Variants in TCERG1 observed in about 807,000 individuals in gnomAD.
TCERG1 encodes TATA box binding protein (TBP)-associated factor, RNA polymerase II, S, 150kD.
In TCERG1, 37 loss-of-function variants were observed where a neutral mutation model predicts 144.7. That is an observed-to-expected ratio of 0.26 (90% confidence interval 0.20 to 0.34). TCERG1 has a LOEUF of 0.34. TCERG1 is among the 10% of genes least tolerant of loss of function. TCERG1 has a pLI of 1.00. For missense variants in TCERG1, 1,027 were observed against 1,380.7 expected, an observed-to-expected ratio of 0.74 and a Z score of 4.06; for synonymous variants, 492 against 458.2, an observed-to-expected ratio of 1.07 and a Z score of -0.94.
rs549529950 is a variant in TCERG1 at position 146,455,226 on chromosome 5, C to T, written c.230C>T (p.Pro77Leu). The T allele has an allele frequency of 4.3e-6, 7 of 1,614,210 alleles. No individual in the cohort carries two copies. Among genetic ancestry groups the T allele is most frequent in the South Asian group, 3.3e-5 (3 of 91,086 alleles). ...FGRPPFDPNMPPMPPPGGIPP... is the reference protein window; with the variant it reads ...FGRPPFDPNMLPMPPPGGIPP... ...CGTCCTCCTTTTGATCCTAATATGCCGCCAATGCCTCCTCCAGGAGGGATA... is the reference window on the plus strand; with the variant it reads ...CGTCCTCCTTTTGATCCTAATATGCTGCCAATGCCTCCTCCAGGAGGGATA... The change falls in exon 2 of 23, where the codon CCG becomes CTG. Residue 77 changes from proline (P) to leucine (L), a missense_variant. Coordinates refer to ENST00000679501, the MANE Select transcript of TCERG1 (RefSeq NM_001382548.1).
chr5:146,510,304 C>T (rs977236219), intron 22 of TCERG1, 137 bp from the exon 23 acceptor site: 31 of 760,556 alleles, frequency 4.1e-5, no homozygotes, highest in African/African-American at 1.3e-4. Context: ...TGACCACTGC[C>T]GTGAAATTTT....
At chr5:146,455,424 T>C in intron 2 of TCERG1, 143 bp downstream of exon 2, 1 of 955,458 alleles carries the variant, frequency 1.0e-6, no homozygotes, top group East Asian at 2.6e-5. Flanking sequence ...TATTAATATG[T>C]TTCTTCTGAA....
chr5:146,454,115 C>A (rs932999100), intron 1 of TCERG1, among the ~76,000 whole-genome samples: 1 of 150,656 alleles, frequency 6.6e-6, no homozygotes, highest in African/African-American at 2.4e-5. Context: ...GGAGAAGAAT[C>A]GCCTGAACCC....
Position 146,507,315 on chromosome 5 carries a change from C to A in TCERG1, c.2961+108C>A. The A allele has an allele frequency of 1.0e-6, 1 of 1,004,492 alleles. No individual in the cohort carries two copies. Among genetic ancestry groups the A allele is most frequent in the Non-Finnish European group, 1.4e-6 (1 of 705,266 alleles). The allele number at this position is 1,004,492 out of a possible 1,614,324, so 62.2% of individuals were successfully genotyped here. The stretch of plus-strand genomic sequence containing the variant: ...AGTGTCATGGTCTTTAGATTCATTA[C>A]TGGAATGCATCTTATGACAATTCTC... On this transcript the variant is annotated intron_variant, in intron 20 of 22. Coordinates refer to ENST00000679501, the MANE Select transcript of TCERG1 (RefSeq NM_001382548.1). This position sits in a 1 kb window ranked among gnomAD's most constrained non-coding sequence, Gnocchi z 4.6.
At chr5:146,492,023 C>CCATGG (rs1268502752) in intron 15 of TCERG1, among the ~76,000 whole-genome samples, 1 of 152,112 alleles carries the variant, frequency 6.6e-6, no homozygotes, top group Non-Finnish European at 1.5e-5. Context: ...CCATAGTTTG[C>CCATGG]CAATTATTTG....
intron 4 of TCERG1, chr5:146,461,919 A>G (rs1763362542): frequency 6.6e-6 from 1 of 152,584 alleles, no homozygotes; most frequent in African/African-American, 2.4e-5. Flanking sequence ...TAGATTACAA[A>G]TGCTAAATGG....
In TCERG1 at chr5:146,463,675, G is replaced by T. The variant is rs138963520; in HGVS notation, c.1017G>T (p.Thr339=). Reference sequence around the variant, plus strand: ...CCGTTCCCCAGCCGCACCCTCAGACGTTACCTCCTGCTGTTCCTCATTCAG... The same window carrying T: ...CCGTTCCCCAGCCGCACCCTCAGACTTTACCTCCTGCTGTTCCTCATTCAG... ...VQTVPQPHPQ[T]LPPAVPHSVP... The change falls in exon 5 of 23, where the codon ACG becomes ACT. Residue 339 remains threonine (T), a synonymous_variant. Transcript: ENST00000679501. 1.9e-6 allele frequency: 3 copies of T among 1,614,108 alleles called. No individual in the cohort carries two copies. The highest frequency in any genetic ancestry group is 2.2e-5 in the East Asian group (1 of 44,874).
chr5:146,504,123 A>G, intron 19 of TCERG1, 117 bp downstream of exon 19: 1 of 1,096,178 alleles, frequency 9.1e-7, no homozygotes, highest in Non-Finnish European at 1.2e-6. Flanking sequence ...TTGCTAAATT[A>G]GAAAGCATTT....
At chr5:146,490,997 A>G (rs759752012) in intron 15 of TCERG1, among the ~76,000 whole-genome samples, 2 of 151,496 alleles carry the variant, frequency 1.3e-5, no homozygotes, top group Non-Finnish European at 2.9e-5. Flanking sequence ...GTTTAGGAAC[A>G]TTTTTTTCTT....
At chr5:146,447,680 G>A (rs1377842508) in intron 1 of TCERG1, among the ~76,000 whole-genome samples, 1 of 152,222 alleles carries the variant, frequency 6.6e-6, no homozygotes, top group Non-Finnish European at 1.5e-5. Flanking sequence ...CCCTCTGGCC[G>A]GGCGCGGTGC....
In TCERG1 at chr5:146,509,145, A is replaced by T. The variant is rs1404009143; in HGVS notation, c.3046A>T (p.Lys1016Ter). 6.4e-7 allele frequency: 1 copy of T among 1,554,858 alleles called. No individual in the cohort carries two copies. The highest frequency in any genetic ancestry group is 1.4e-5 in the African/African-American group (1 of 71,976). ...TCAACTTTTTTTTTTTTATTAACAG[A>T]AAAAACAAAGAGAATTTGAAGAATA... ...RCIKFSSSDRKKQREFEEYIR... is the reference protein window; with the variant it reads ...RCIKFSSSDR Residue 1016 changes from lysine to a stop codon, truncating the protein, a stop_gained and splice_region_variant, in exon 22 of 23, where the codon AAA (lysine) becomes TAA (stop). Transcript: ENST00000679501. LOFTEE classifies it high-confidence loss of function.
chr5:146,464,885 A>G (rs1763640158), intron 5 of TCERG1, among the ~76,000 whole-genome samples: 1 of 152,108 alleles, frequency 6.6e-6, no homozygotes. Flanking sequence ...TTTCTTTGTG[A>G]CCACTCTGAA....
At chr5:146,458,841 C>A in intron 3 of TCERG1, 43 bp from the exon 4 acceptor site, 1 of 1,557,240 alleles carries the variant, frequency 6.4e-7, no homozygotes, top group South Asian at 1.2e-5. Context: ...TTAATAATAA[C>A]TGACAGATTT....
rs2150944859 is a variant in TCERG1 at position 146,509,062 on chromosome 5, A to G, written c.3046-83A>G. ...AATTTTATTATGTGACTTACACATT[A>G]CTGTTTAATAAATAATTGATGTTTA... On this transcript the variant is annotated intron_variant, in intron 21 of 22. Coordinates refer to ENST00000679501, the MANE Select transcript of TCERG1 (RefSeq NM_001382548.1). 8.5e-6 allele frequency: 6 copies of G among 702,618 alleles called. No individual in the cohort carries two copies. In the East Asian group the frequency reaches 1.1e-4, roughly 13 times the overall value. 43.5% of individuals were successfully genotyped at this position (702,618 alleles called of 1,614,324 possible).
At position 146,457,561 on chromosome 5, in the gene TCERG1, G is replaced by T. The variant is rs41290623; in HGVS notation, c.438+226G>T. 2.8e-3 allele frequency among the ~76,000 whole-genome samples: 422 copies of T among 152,326 alleles called. 2 individuals carry two copies. Among genetic ancestry groups the T allele is most frequent in the Admixed American group, 4.3e-3 (66 of 15,304 alleles). Reference sequence around the variant, plus strand: ...TTTACCTGTGATTCTGGAAGCTTCTGGTCACATTGGTACCATCTGCCTAGC... The same window carrying T: ...TTTACCTGTGATTCTGGAAGCTTCTTGTCACATTGGTACCATCTGCCTAGC... On this transcript the variant is annotated intron_variant, in intron 3 of 22. Transcript: ENST00000679501.
Position 146,498,692 on chromosome 5 carries a change from A to G in TCERG1, c.2433+6A>G. ...CGAAGACCAGAGGTGAGAAGGTAAG[A>G]TGGTTTTAGTTCCAGTGGTGTGATT... On this transcript the variant is annotated splice_donor_region_variant and intron_variant, in intron 17 of 22. Coordinates refer to ENST00000679501, the MANE Select transcript of TCERG1 (RefSeq NM_001382548.1). 1 of 1,606,412 alleles carries G rather than the reference A, an allele frequency of 6.2e-7. No homozygotes were observed. Among genetic ancestry groups the G allele is most frequent in the Non-Finnish European group, 8.5e-7 (1 of 1,177,174 alleles).
intron 1 of TCERG1, among the ~76,000 whole-genome samples, chr5:146,454,284 TA>T (rs1378209561): frequency 2.0e-5 from 3 of 152,174 alleles, no homozygotes; most frequent in Admixed American, 6.5e-5. Flanking sequence ...AGATTGAGGT[TA>T]TACATTTTTG....
At chr5:146,454,056 A>C (rs1186369308) in intron 1 of TCERG1, among the ~76,000 whole-genome samples, 1 of 112,574 alleles carries the variant, frequency 8.9e-6, no homozygotes, top group African/African-American at 3.1e-5. Context: ...AAAAAAAAAA[A>C]AAAAATTAGC....
Position 146,459,356 on chromosome 5 carries a change from G to T in TCERG1, c.892+19G>T. The T allele has an allele frequency of 6.2e-7, 1 of 1,607,660 alleles. No individual in the cohort carries two copies. The highest frequency in any genetic ancestry group is 8.5e-7 in the Non-Finnish European group (1 of 1,175,804). On this transcript the variant is annotated intron_variant, in intron 4 of 22. Coordinates refer to ENST00000679501, the MANE Select transcript of TCERG1 (RefSeq NM_001382548.1). ...GTATCAAGTGAGTACCACTCAGCAT[G>T]TGTTTTTATATAGGGGCTAGAGACA...
Sources: gnomAD v4.1 joint callset for allele counts (sites outside exome capture counted in the v4.1 genomes callset) on GRCh38, gnomAD v4.1.1 for gene constraint, Gnocchi (gnomAD v3.1) non-coding constraint, MANE v1.5 for transcripts, NCBI Gene and HGNC (gene_info 2026-07-23, HGNC 2026-07-21) for gene names.